Variants in SLC2A14 observed in about 807,000 individuals in gnomAD.
SLC2A14 encodes solute carrier family 2, facilitated glucose transporter member 14.
In SLC2A14, 13 loss-of-function variants were observed where a neutral mutation model predicts 43.0. That is an observed-to-expected ratio of 0.30 (90% CI 0.20 to 0.48). The LOEUF (loss-of-function observed/expected upper bound fraction) is 0.48. Among genes scored for constraint, SLC2A14 ranks in the 20% least tolerant of loss-of-function variants. SLC2A14 has a pLI of 0.99. For missense variants in SLC2A14, 428 were observed against 620.4 expected, an observed-to-expected ratio of 0.69 and a Z score of 3.29; for synonymous variants, 190 against 233.8, an observed-to-expected ratio of 0.81 and a Z score of 1.71.
intron 1 of SLC2A14, among the ~76,000 whole-genome samples, chr12:7,880,232 G>A (rs149746602): frequency 0.012 from 1,879 of 152,060 alleles, 61 homozygotes; most frequent in African/African-American, 0.043. Context: ...ACCTGGAGGC[G>A]GAGGTTGCAG....
intron 1 of SLC2A14, among the ~76,000 whole-genome samples, chr12:7,881,327 C>A (rs1188546140): frequency 6.6e-6 from 1 of 151,994 alleles, no homozygotes; most frequent in African/African-American, 2.4e-5. Flanking sequence ...TGCGGGCCAG[C>A]ACGAGTTCCG....
At chr12:7,831,827 T>C in intron 3 of SLC2A14, 63 bp from the exon 4 acceptor site, 2 of 1,594,070 alleles carry the variant, frequency 1.3e-6, no homozygotes, top group East Asian at 2.2e-5. Context: ...GATACAAATA[T>C]GCTGGGTGCA....
Position 7,813,548 on chromosome 12 carries a change from C to G in SLC2A14, c.*768G>C, listed in dbSNP as rs1863191576. The G allele has an allele frequency of 6.6e-6, 1 of 152,118 alleles. No homozygotes were observed. The highest frequency in any genetic ancestry group is 1.5e-5 in the Non-Finnish European group (1 of 68,038). The allele number at this position is 152,118 out of a possible 1,614,324, so 9.4% of individuals were successfully genotyped here. ...ATAAAGTTCCAAAGGAAATGAGTAG[C>G]TTTATTAAATAGGCATACAACTTTT... On this transcript the variant is annotated 3_prime_UTR_variant, in exon 11 of 11. Coordinates refer to ENST00000431042, the MANE Select transcript of SLC2A14 (RefSeq NM_001286234.2).
At chr12:7,883,620 G>A (rs1158757394) in intron 1 of SLC2A14, among the ~76,000 whole-genome samples, 11 of 121,434 alleles carry the variant, frequency 9.1e-5, no homozygotes, top group Non-Finnish European at 1.5e-4. Context: ...TTTTGAGACG[G>A]GGTCTCTCTC....
rs776808880 is a variant in SLC2A14 at position 7,817,909 on chromosome 12, G to T, written c.1197C>A (p.Arg399=). Residue 399 remains arginine (R), a synonymous_variant, in exon 10 of 11, where the codon CGC becomes CGA. Coordinates refer to ENST00000431042, the MANE Select transcript of SLC2A14 (RefSeq NM_001286234.2). ...IVAELFSQGP[R]PAAMAVAGCS... ...AGCCGGCCACTGCCATCGCAGCTGG[G>T]CGGGGGCCCTGGCTGAAGAGTTCGG... is the stretch of plus-strand genomic sequence containing the variant. The T allele has an allele frequency of 1.9e-6, 3 of 1,614,234 alleles. No homozygotes were observed. In the South Asian group the frequency reaches 3.3e-5, roughly 18 times the overall value.
intron 9 of SLC2A14, among the ~76,000 whole-genome samples, chr12:7,818,755 C>G (rs1863690102): frequency 6.6e-6 from 1 of 151,478 alleles, no homozygotes; most frequent in Non-Finnish European, 1.5e-5. Context: ...CTTCTGGGCT[C>G]AAGCAATCCT....
chr12:7,837,604 C>T (rs1017818438), intron 2 of SLC2A14, among the ~76,000 whole-genome samples: 1 of 108,344 alleles, frequency 9.2e-6, no homozygotes, highest in Non-Finnish European at 1.7e-5. Flanking sequence ...CACCATTGCA[C>T]TCCAACTTGG....
chr12:7,881,503 C>CT (rs1487231705), intron 1 of SLC2A14, among the ~76,000 whole-genome samples: 1 of 152,166 alleles, frequency 6.6e-6, no homozygotes, highest in Non-Finnish European at 1.5e-5. Context: ...CTCCCCAGGC[C>CT]TTAGCTGCCT....
At chr12:7,846,532 T>C (rs1866479238) in intron 2 of SLC2A14, among the ~76,000 whole-genome samples, 2 of 152,108 alleles carry the variant, frequency 1.3e-5, no homozygotes, top group Non-Finnish European at 2.9e-5. Flanking sequence ...ATTCCAAGTG[T>C]ATTTCATGTA....
At chr12:7,833,704 C>G (rs1865215093) in intron 2 of SLC2A14, among the ~76,000 whole-genome samples, 1 of 151,710 alleles carries the variant, frequency 6.6e-6, no homozygotes, top group African/African-American at 2.4e-5. Flanking sequence ...ATCGCTTGAC[C>G]CTGAGAGGCG....
At chr12:7,826,863 TTCTTTC>T (rs757262846) in intron 7 of SLC2A14, among the ~76,000 whole-genome samples, 3 of 24,892 alleles carry the variant, frequency 1.2e-4, no homozygotes, top group South Asian at 2.1e-3. Context: ...CCTTTCTTTT[TTCTTTC>T]TTTCTTTCTT....
chr12:7,869,505 C>T (rs1194658973), intron 2 of SLC2A14, among the ~76,000 whole-genome samples: 1 of 152,160 alleles, frequency 6.6e-6, no homozygotes, highest in African/African-American at 2.4e-5. Flanking sequence ...CTCTATGTTA[C>T]TCTTCACGCG....
intron 2 of SLC2A14, among the ~76,000 whole-genome samples, chr12:7,851,756 T>G (rs1397859037): frequency 2.0e-5 from 3 of 152,166 alleles, no homozygotes; most frequent in East Asian, 3.8e-4. Context: ...CATCTTTTAA[T>G]CTCCATTAGA....
chr12:7,866,395 C>G (rs1944913183), intron 2 of SLC2A14, among the ~76,000 whole-genome samples: 1 of 152,024 alleles, frequency 6.6e-6, no homozygotes, highest in Non-Finnish European at 1.5e-5. Context: ...GAGTCTTGCT[C>G]TGTCGCCTAG....
chr12:7,886,341 AATTTATTTATTTATTTATTTATTT>A (rs71038799), intron 1 of SLC2A14, among the ~76,000 whole-genome samples: 7 of 140,740 alleles, frequency 5.0e-5, no homozygotes, highest in East Asian at 2.0e-4. Flanking sequence ...AAATTTTTAA[AATTTATTTATTTATTTATTTATTT>A]ATTTATTTAT....
At chr12:7,834,334 C>G (rs1303815650) in intron 2 of SLC2A14, among the ~76,000 whole-genome samples, 1 of 151,856 alleles carries the variant, frequency 6.6e-6, no homozygotes, top group East Asian at 1.9e-4. Context: ...GCCTTAGCTC[C>G]CAAATGCTGG....
At chr12:7,867,295 AAAAAAC>A (rs1944974745) in intron 2 of SLC2A14, among the ~76,000 whole-genome samples, 9 of 146,182 alleles carry the variant, frequency 6.2e-5, no homozygotes, top group Admixed American at 2.8e-4. Context: ...AAAAAAAAAA[AAAAAAC>A]AAAAAAAACA....
intron 1 of SLC2A14, chr12:7,871,842 A>C: frequency 1.1e-6 from 1 of 950,416 alleles, no homozygotes; most frequent in African/African-American, 1.8e-5. Flanking sequence ...CTCCTCCCCT[A>C]CACCCTGTTG....
intron 3 of SLC2A14, 42 bp downstream of exon 3, chr12:7,832,680 T>C (rs369771534): frequency 7.5e-6 from 12 of 1,597,182 alleles, no homozygotes; most frequent in African/African-American, 1.3e-5. Context: ...AAAGGAATAA[T>C]TTCCCTATTC....
Sources: gnomAD v4.1 joint callset for allele counts (sites outside exome capture counted in the v4.1 genomes callset) on GRCh38, gnomAD v4.1.1 for gene constraint, MANE v1.5 for transcripts, NCBI Gene and HGNC (gene_info 2026-07-23, HGNC 2026-07-21) for gene names.